XPNPEP1: variants seen among roughly 807,000 people sequenced by gnomAD.
XPNPEP1 encodes X-prolyl aminopeptidase 1, also known as xaa-Pro aminopeptidase 1.
A neutral mutation model predicts 92.4 loss-of-function variants in XPNPEP1; 39 were observed. That is an observed-to-expected ratio of 0.42 (90% CI 0.33 to 0.55). XPNPEP1 has a LOEUF of 0.55. Ranked by LOEUF, XPNPEP1 falls within the 20% of genes least tolerant of loss-of-function variation. The pLI is 0.08. For synonymous variants in XPNPEP1, 307 were observed against 299.4 expected (o/e 1.03, Z -0.26); for missense variants, 654 against 856.1 (o/e 0.76, Z 2.95).
intron 17 of XPNPEP1, chr10:109,871,125 G>T (rs552419): frequency 0.52 from 243,168 of 463,922 alleles, 67,420 homozygotes; most frequent in Non-Finnish European, 0.6. Flanking sequence ...GGATGCTGGT[G>T]AGCGGGGATA....
chr10:109,880,085 G>T, intron 12 of XPNPEP1, 103 bp downstream of exon 12: 1 of 1,167,610 alleles, frequency 8.6e-7, no homozygotes, highest in Non-Finnish European at 1.2e-6. Context: ...GAAGATCTCA[G>T]ATCTCATGGT....
intron 3 of XPNPEP1, among the ~76,000 whole-genome samples, chr10:109,897,845 G>A (rs1044988767): frequency 2.1e-4 from 32 of 152,012 alleles, no homozygotes; most frequent in African/African-American, 6.8e-4. Context: ...GTAGAGACAG[G>A]GTTTTGCCAT....
Position 109,884,140 on chromosome 10 carries a change from TA to T in XPNPEP1, c.756del (p.Phe252LeufsTer20). 2 of 1,613,726 alleles carry T rather than the reference TA, an allele frequency of 1.2e-6. No individual in the cohort carries two copies. Among genetic ancestry groups the T allele is most frequent in the Non-Finnish European group, 8.5e-7 (1 of 1,179,834 alleles). Reference sequence around the variant, plus strand: ...TGCTCCACATCTGATCCTCGGAGATTAAATAGCCCTAGAAAAGAAATCAAAA... The same window carrying T: ...TGCTCCACATCTGATCCTCGGAGATTAATAGCCCTAGAAAAGAAATCAAAA... ...VTALDEIAWL[F>X]NLRGSDVEHN... On this transcript the variant is annotated frameshift_variant, in exon 9 of 21. Transcript: ENST00000502935. LOFTEE classifies it high-confidence loss of function.
intron 7 of XPNPEP1, among the ~76,000 whole-genome samples, chr10:109,887,124 T>C (rs1298941637): frequency 6.6e-6 from 1 of 151,806 alleles, no homozygotes; most frequent in Non-Finnish European, 1.5e-5. Flanking sequence ...ATCCTGCAGA[T>C]AGTAGGCACC....
chr10:109,878,321 T>C, intron 12 of XPNPEP1: 2 of 381,602 alleles, frequency 5.2e-6, no homozygotes, highest in Non-Finnish European at 9.4e-6. Flanking sequence ...AAACAACATA[T>C]CTAAGTTTAA....
intron 5 of XPNPEP1, among the ~76,000 whole-genome samples, chr10:109,891,052 TA>T (rs1205280900): frequency 2.6e-5 from 4 of 152,254 alleles, no homozygotes; most frequent in Non-Finnish European, 5.9e-5. Flanking sequence ...TTCTAAAGAC[TA>T]TTTTAATGAC....
chr10:109,890,878 G>A (rs908402826), intron 5 of XPNPEP1, among the ~76,000 whole-genome samples: 2 of 152,120 alleles, frequency 1.3e-5, no homozygotes, highest in African/African-American at 4.8e-5. Context: ...GTTTCCTGCT[G>A]TGAGTCTGAG....
chr10:109,905,265 C>T (rs991811491), intron 3 of XPNPEP1, among the ~76,000 whole-genome samples: 5 of 152,036 alleles, frequency 3.3e-5, no homozygotes, highest in African/African-American at 1.2e-4. Flanking sequence ...GAGTACAGTG[C>T]TGCAATCTCG....
chr10:109,897,410 C>T (rs543541346), intron 3 of XPNPEP1, among the ~76,000 whole-genome samples: 20 of 152,290 alleles, frequency 1.3e-4, no homozygotes, highest in African/African-American at 4.1e-4. Context: ...TTATCCATAC[C>T]CTACCTTGGA....
In XPNPEP1 at chr10:109,868,637, C is replaced by T. The variant is rs749023711; in HGVS notation, c.1849G>A (p.Val617Met). The T allele has an allele frequency of 7.4e-6, 12 of 1,613,984 alleles. No individual in the cohort carries two copies. Among genetic ancestry groups the T allele is most frequent in the Admixed American group, 3.3e-5 (2 of 60,014 alleles). Residue 617 changes from valine (V) to methionine (M), a missense_variant, in exon 20 of 21, where the codon GTG becomes ATG. Coordinates refer to ENST00000502935, the MANE Select transcript of XPNPEP1 (RefSeq NM_020383.4). ...LVPIQTKMID[V>M]DSLTDKECDW... is the part of the protein sequence containing the mutation. ...ACCTCTTTGTCTGTAAGAGAATCCA[C>T]ATCTATCATTTTGGTCTGAATTGGA...
chr10:109,912,260 G>A (rs1037082845), intron 2 of XPNPEP1, among the ~76,000 whole-genome samples: 1 of 152,196 alleles, frequency 6.6e-6, no homozygotes, highest in African/African-American at 2.4e-5. Flanking sequence ...TCACATTCAT[G>A]TTCTGGGTGC....
intron 2 of XPNPEP1, among the ~76,000 whole-genome samples, chr10:109,908,296 T>C (rs17126873): frequency 0.011 from 1,703 of 152,288 alleles, 39 homozygotes; most frequent in African/African-American, 0.038. Context: ...CTAGACAACA[T>C]TTGTGGGTGA....
chr10:109,876,978 A>T (rs1375638972), intron 14 of XPNPEP1: 1 of 152,268 alleles, frequency 6.6e-6, no homozygotes. Context: ...TGGTAAAAAA[A>T]CCACATACTG....
chr10:109,877,876 GA>G lies in XPNPEP1; in HGVS notation c.1242-10del. The G allele has an allele frequency of 1.2e-6, 2 of 1,614,232 alleles. No individual in the cohort carries two copies. Among genetic ancestry groups the G allele is most frequent in the South Asian group, 2.2e-5 (2 of 91,082 alleles). On this transcript the variant is annotated splice_polypyrimidine_tract_variant and intron_variant, in intron 13 of 20. Transcript: ENST00000502935. ...CAAAGTCTGCCTGTTGCCTGTAACA[GA>G]AAGACAGAAAGCAGAGTGGCTTAAA...
chr10:109,883,176 T>C (rs35712139), intron 9 of XPNPEP1, among the ~76,000 whole-genome samples: 36,890 of 152,054 alleles, frequency 0.24, 4,872 homozygotes, highest in Admixed American at 0.42. Context: ...CTCTTTTCTG[T>C]GGCCCCTGCT....
intron 3 of XPNPEP1, among the ~76,000 whole-genome samples, chr10:109,897,804 C>G (rs1242411151): frequency 6.6e-6 from 1 of 152,108 alleles, no homozygotes; most frequent in Non-Finnish European, 1.5e-5. Flanking sequence ...CAGGCGCCCA[C>G]CACCACACCC....
At chr10:109,888,277 T>G in intron 6 of XPNPEP1, 85 bp from the exon 7 acceptor site, 1 of 1,522,568 alleles carries the variant, frequency 6.6e-7, no homozygotes, top group Admixed American at 2.0e-5. Flanking sequence ...TCCAGAACCT[T>G]CAGAAAGGTG....
intron 1 of XPNPEP1, among the ~76,000 whole-genome samples, chr10:109,918,937 G>C (rs1185352786): frequency 6.8e-6 from 1 of 147,680 alleles, no homozygotes; most frequent in Non-Finnish European, 1.5e-5. Context: ...AAAAGAAAAA[G>C]AACGAAAAGG....
chr10:109,890,515 G>A (rs1005261993), intron 5 of XPNPEP1, among the ~76,000 whole-genome samples: 9 of 149,740 alleles, frequency 6.0e-5, no homozygotes, highest in African/African-American at 2.2e-4. Context: ...CCACTAGCTT[G>A]TCCATTTATA....
Sources: gnomAD v4.1 joint callset for allele counts (sites outside exome capture counted in the v4.1 genomes callset) on GRCh38, gnomAD v4.1.1 for gene constraint, MANE v1.5 for transcripts, NCBI Gene and HGNC (gene_info 2026-07-23, HGNC 2026-07-21) for gene names.